The following WWC2 variants were observed in gnomAD, a reference collection of about 807,000 sequenced individuals.
The protein encoded by WWC2 is protein WWC2.
In WWC2, 101 loss-of-function variants were observed where a neutral mutation model predicts 138.5. The observed-to-expected ratio is 0.73, with a 90% CI of 0.62 to 0.86. The LOEUF (loss-of-function observed/expected upper bound fraction) is 0.86, where lower values mean the gene tolerates loss of function less well. Ranked by LOEUF, WWC2 falls within the 40% of genes least tolerant of loss-of-function variation. The pLI, the probability that WWC2 is intolerant of heterozygous loss-of-function variation, is 0.00. For synonymous variants in WWC2, 558 were observed against 538.4 expected (o/e 1.04, Z -0.50); for missense variants, 1,420 against 1,419.4 (o/e 1.00, Z -0.01).
intron 1 of WWC2, among the ~76,000 whole-genome samples, chr4:183,151,895 C>G (rs1733644957): frequency 6.6e-6 from 1 of 152,086 alleles, no homozygotes; most frequent in Admixed American, 6.6e-5. Flanking sequence ...TTCCATTGGT[C>G]TATATATCTG....
At chr4:183,124,275 G>A (rs1276064386) in intron 1 of WWC2, among the ~76,000 whole-genome samples, 1 of 151,958 alleles carries the variant, frequency 6.6e-6, no homozygotes, top group Non-Finnish European at 1.5e-5. Flanking sequence ...TATTGGACAG[G>A]ATAATCCTTT....
intron 4 of WWC2, among the ~76,000 whole-genome samples, chr4:183,216,645 C>T (rs951997489): frequency 5.3e-5 from 8 of 152,058 alleles, no homozygotes; most frequent in Non-Finnish European, 1.5e-5. Flanking sequence ...GAAGTGAGCC[C>T]TGGGATTGCA....
intron 21 of WWC2, among the ~76,000 whole-genome samples, chr4:183,310,851 A>AG (rs1553981651): frequency 6.6e-6 from 1 of 150,786 alleles, no homozygotes; most frequent in African/African-American, 2.4e-5. Context: ...AAAAAAAAAA[A>AG]GCAACAGTAA....
At chr4:183,142,732 G>A (rs551056296) in intron 1 of WWC2, among the ~76,000 whole-genome samples, 98 of 152,314 alleles carry the variant, frequency 6.4e-4, no homozygotes, top group Admixed American at 7.2e-4. Flanking sequence ...GCTTGCACCA[G>A]TATGAGAAGC....
chr4:183,173,550 C>G lies in WWC2; in HGVS notation c.132-20049C>G, dbSNP rs563086564. On this transcript the variant is annotated intron_variant, in intron 1 of 22. Coordinates refer to ENST00000403733, the MANE Select transcript of WWC2 (RefSeq NM_024949.6). Reference sequence around the variant, plus strand: ...ATACCAACCATTCTGGCTCTTCACTCCTTCCAGACACAGGAGACAGGATTA... The same window carrying G: ...ATACCAACCATTCTGGCTCTTCACTGCTTCCAGACACAGGAGACAGGATTA... Among the ~76,000 whole-genome samples the G allele has an allele frequency of 5.3e-5, 8 of 152,028 alleles. No homozygotes were observed. In the South Asian group the frequency reaches 1.2e-3, roughly 24 times the overall value.
intron 1 of WWC2, among the ~76,000 whole-genome samples, chr4:183,125,003 A>G (rs17074417): frequency 0.058 from 8,864 of 152,248 alleles, 406 homozygotes; most frequent in African/African-American, 0.12. Context: ...AGCAGGAAGC[A>G]TTCCCAGTGC....
chr4:183,265,739 A>G lies in WWC2; in HGVS notation c.2091A>G (p.Val697=), dbSNP rs139693647. 1.1e-4 allele frequency: 180 copies of G among 1,611,848 alleles called. 1 individual carries two copies. The African/African-American group carries it at 2.2e-3, about 20-fold the overall frequency. The change falls in exon 13 of 23, where the codon GTA becomes GTG. Residue 697 remains valine, a synonymous_variant. Coordinates refer to ENST00000403733, the MANE Select transcript of WWC2 (RefSeq NM_024949.6). ...VTYSEEDVAI[V]ETAQVQIGLR... is the part of the protein sequence containing the mutation. ...ACAGTGAAGAGGATGTAGCCATTGTAGAGACCGCCCAGGTTCAGATAGGAC... is the reference window on the plus strand; with the variant it reads ...ACAGTGAAGAGGATGTAGCCATTGTGGAGACCGCCCAGGTTCAGATAGGAC...
At chr4:183,300,344 T>TC (rs947789748) in intron 21 of WWC2, among the ~76,000 whole-genome samples, 3 of 148,652 alleles carry the variant, frequency 2.0e-5, no homozygotes, top group African/African-American at 7.4e-5. Context: ...GGAATTTCTT[T>TC]TTTTTTTTTT....
intron 15 of WWC2, 173 bp downstream of exon 15, chr4:183,269,336 C>A: frequency 1.3e-6 from 1 of 745,610 alleles, no homozygotes; most frequent in South Asian, 1.5e-5. Flanking sequence ...TCTGTTTATT[C>A]TCTTATTCCA....
At chr4:183,178,743 C>G (rs1424926774) in intron 1 of WWC2, among the ~76,000 whole-genome samples, 1 of 152,202 alleles carries the variant, frequency 6.6e-6, no homozygotes, top group Non-Finnish European at 1.5e-5. Flanking sequence ...TCAGTCTGAT[C>G]TAGCTGAGCT....
chr4:183,192,870 T>C (rs1735027610), intron 1 of WWC2, among the ~76,000 whole-genome samples: 1 of 152,166 alleles, frequency 6.6e-6, no homozygotes, highest in Non-Finnish European at 1.5e-5. Flanking sequence ...AAAAATCTAT[T>C]GTAATTAAGT....
intron 1 of WWC2, among the ~76,000 whole-genome samples, chr4:183,124,160 G>A (rs780882187): frequency 6.6e-5 from 10 of 152,132 alleles, no homozygotes; most frequent in Non-Finnish European, 1.2e-4. Flanking sequence ...TATCTATTTG[G>A]TAGCAGATAA....
chr4:183,236,809 A>G (rs1411687727), intron 4 of WWC2, among the ~76,000 whole-genome samples: 1 of 152,144 alleles, frequency 6.6e-6, no homozygotes, highest in African/African-American at 2.4e-5. Context: ...AAGGATTTTG[A>G]TAGGGATTGC....
At chr4:183,134,973 C>T (rs186964645) in intron 1 of WWC2, among the ~76,000 whole-genome samples, 65 of 151,520 alleles carry the variant, frequency 4.3e-4, no homozygotes, top group Middle Eastern at 6.9e-3. Context: ...GCTCTGTTGC[C>T]CAGGCTGGAG....
In WWC2 at chr4:183,099,374, C is replaced by T; in HGVS notation, c.-118C>T. 8 of 1,088,436 alleles carry T rather than the reference C, an allele frequency of 7.3e-6. No homozygotes were observed. The highest frequency in any genetic ancestry group is 4.5e-5 in the South Asian group (1 of 22,224). 67.4% of individuals were successfully genotyped at this position (1,088,436 alleles called of 1,614,324 possible). A position where few individuals can be genotyped will look rare whatever the true frequency, so the allele number is the denominator to read the frequency against. ...CCGCCGCGCCCCGCGCCCTGCGCCCCTCAGCCCCTCGCCGGCGCCCGCGTC... is the reference window on the plus strand; with the variant it reads ...CCGCCGCGCCCCGCGCCCTGCGCCCTTCAGCCCCTCGCCGGCGCCCGCGTC... On this transcript the variant is annotated 5_prime_UTR_variant, in exon 1 of 23. Coordinates refer to ENST00000403733, the MANE Select transcript of WWC2 (RefSeq NM_024949.6).
intron 1 of WWC2, among the ~76,000 whole-genome samples, chr4:183,122,080 C>T (rs1406265219): frequency 1.3e-5 from 2 of 152,122 alleles, no homozygotes; most frequent in African/African-American, 4.8e-5. Context: ...CCACCACGCC[C>T]AGCCAAGAAG....
At chr4:183,106,473 A>G (rs1177748980) in intron 1 of WWC2, among the ~76,000 whole-genome samples, 1 of 151,818 alleles carries the variant, frequency 6.6e-6, no homozygotes, top group African/African-American at 2.4e-5. Flanking sequence ...ACACCTTAGT[A>G]GTTTTTAGTA....
chr4:183,254,167 G>A (rs929199248), intron 9 of WWC2, among the ~76,000 whole-genome samples, 168 bp downstream of exon 9: 4 of 152,162 alleles, frequency 2.6e-5, no homozygotes, highest in African/African-American at 9.7e-5. Flanking sequence ...CCTAATGCCC[G>A]ACAGGATAAG....
rs905795893 is a variant in WWC2 at position 183,099,590 on chromosome 4, C to G, written c.99C>G (p.Thr33=). 1.4e-6 allele frequency: 2 copies of G among 1,394,510 alleles called. No homozygotes were observed. Among genetic ancestry groups the G allele is most frequent in the Non-Finnish European group, 1.9e-6 (2 of 1,056,444 alleles). 86.4% of individuals were successfully genotyped at this position (1,394,510 alleles called of 1,614,324 possible). Residue 33 remains threonine (T), a synonymous_variant, in exon 1 of 23, where the codon ACC becomes ACG. Coordinates refer to ENST00000403733, the MANE Select transcript of WWC2 (RefSeq NM_024949.6). ...AGGTCTTCTACATTGACCACAACAC[C>G]AGGAGGACCAGCTGGATCGACCCCC... is the stretch of plus-strand genomic sequence containing the variant. ...DGKVFYIDHN[T]RRTSWIDPRD... is the part of the protein sequence containing the mutation.
Sources: allele counts gnomAD v4.1 joint callset (sites outside exome capture counted in the v4.1 genomes callset), GRCh38; gene constraint gnomAD v4.1.1; transcripts MANE v1.5; gene names NCBI Gene and HGNC (gene_info 2026-07-23, HGNC 2026-07-21).